The following SORCS3 variants were observed in gnomAD, a reference collection of about 807,000 sequenced individuals.
SORCS3 encodes the protein VPS10 domain-containing receptor SorCS3.
SORCS3 carries 57 observed loss-of-function variants against 146.3 expected under a neutral mutation model. The observed-to-expected ratio is 0.39, with a 90% CI of 0.31 to 0.49. SORCS3 has a LOEUF of 0.49. SORCS3 is among the 20% of genes least tolerant of loss of function. The pLI, the probability that SORCS3 is intolerant of heterozygous loss-of-function variation, is 0.92. For synonymous variants in SORCS3, 653 were observed against 618.5 expected, an observed-to-expected ratio of 1.06 and a Z score of -0.83; for missense variants, 1,341 against 1,575.5, an observed-to-expected ratio of 0.85 and a Z score of 2.52.
At chr10:104,920,111 T>C (rs2019072372) in intron 3 of SORCS3, among the ~76,000 whole-genome samples, 1 of 152,258 alleles carries the variant, frequency 6.6e-6, no homozygotes, top group South Asian at 2.1e-4. Context: ...CCAAATTATC[T>C]GTAGCAACCC....
chr10:105,210,713 G>A (rs1252583531), intron 16 of SORCS3, among the ~76,000 whole-genome samples: 1 of 152,194 alleles, frequency 6.6e-6, no homozygotes, highest in African/African-American at 2.4e-5. Context: ...ATGACTCTAT[G>A]TGTCCATGTG....
chr10:105,208,225 C>T (rs1456045209), intron 16 of SORCS3, among the ~76,000 whole-genome samples: 2 of 151,992 alleles, frequency 1.3e-5, no homozygotes, highest in African/African-American at 4.8e-5. Context: ...CCTGTAATCC[C>T]AGGTACTCTG....
chr10:104,796,462 A>G (rs1458347019), intron 1 of SORCS3, among the ~76,000 whole-genome samples: 1 of 152,094 alleles, frequency 6.6e-6, no homozygotes, highest in Non-Finnish European at 1.5e-5. Flanking sequence ...CCAGAAAGAA[A>G]AGAGCAGACT....
intron 4 of SORCS3, among the ~76,000 whole-genome samples, chr10:105,009,954 C>T (rs893792874): frequency 6.6e-5 from 10 of 152,096 alleles, no homozygotes; most frequent in African/African-American, 2.2e-4. Context: ...GAAATATTCC[C>T]TCTTTATACA....
At chr10:104,760,115 G>A (rs935917519) in intron 1 of SORCS3, among the ~76,000 whole-genome samples, 2 of 152,168 alleles carry the variant, frequency 1.3e-5, no homozygotes, top group Admixed American at 1.3e-4. Context: ...CCAGAGGAGG[G>A]ACCTGTCCTG....
At chr10:104,887,092 G>A (rs1480537002) in intron 2 of SORCS3, among the ~76,000 whole-genome samples, 1 of 152,184 alleles carries the variant, frequency 6.6e-6, no homozygotes, top group Non-Finnish European at 1.5e-5. Context: ...ATGGATTTAT[G>A]ATTTAGTTGG....
intron 4 of SORCS3, among the ~76,000 whole-genome samples, chr10:104,998,829 G>A (rs2055042122): frequency 6.6e-6 from 1 of 152,104 alleles, no homozygotes; most frequent in African/African-American, 2.4e-5. Context: ...TCTGTGACTG[G>A]CTTATCTTTA....
chr10:104,838,716 G>T (rs2171908), intron 1 of SORCS3, among the ~76,000 whole-genome samples: 14,835 of 152,236 alleles, frequency 0.097, 919 homozygotes, highest in South Asian at 0.24. Flanking sequence ...CCGTGGTGGG[G>T]TGGGTAGTGT....
intron 1 of SORCS3, among the ~76,000 whole-genome samples, chr10:104,683,469 A>G (rs764004955): frequency 9.2e-5 from 14 of 152,214 alleles, no homozygotes; most frequent in Non-Finnish European, 1.8e-4. Context: ...GTGAGTCAGT[A>G]TATCTTCCAG....
intron 4 of SORCS3, among the ~76,000 whole-genome samples, chr10:104,994,076 A>G (rs962419022): frequency 4.3e-4 from 66 of 152,202 alleles, no homozygotes; most frequent in African/African-American, 1.5e-3. Flanking sequence ...CCTACTGTCT[A>G]TTACCCAGAT....
At chr10:104,821,784 C>A (rs1446753918) in intron 1 of SORCS3, among the ~76,000 whole-genome samples, 2 of 152,122 alleles carry the variant, frequency 1.3e-5, no homozygotes, top group African/African-American at 4.8e-5. Context: ...CAATAAGTAC[C>A]CTTGTTAGCA....
At chr10:104,989,771 G>A (rs936682221) in intron 4 of SORCS3, among the ~76,000 whole-genome samples, 6 of 152,206 alleles carry the variant, frequency 3.9e-5, no homozygotes, top group African/African-American at 1.4e-4. Context: ...TTTTCCAGTG[G>A]AAGAGGAGGC....
intron 1 of SORCS3, chr10:104,822,145 A>C (rs753131053): frequency 5.8e-6 from 3 of 515,752 alleles, no homozygotes; most frequent in Non-Finnish European, 1.2e-5. Context: ...ATCTGTCCTC[A>C]GTTTCTGTAT....
intron 1 of SORCS3, among the ~76,000 whole-genome samples, chr10:104,783,328 G>A (rs2017396144): frequency 6.6e-6 from 1 of 152,182 alleles, no homozygotes; most frequent in Admixed American, 6.5e-5. Context: ...AGGAGAAATT[G>A]TCTGATCACG....
chr10:104,989,492 A>G (rs1432258891), intron 4 of SORCS3, among the ~76,000 whole-genome samples: 1 of 152,224 alleles, frequency 6.6e-6, no homozygotes, highest in Non-Finnish European at 1.5e-5. Flanking sequence ...GAATATAAGG[A>G]GAAAATAACA....
At chr10:105,240,958 A>C (rs11818180) in intron 20 of SORCS3, among the ~76,000 whole-genome samples, 14,308 of 149,156 alleles carry the variant, frequency 0.096, 1,683 homozygotes, top group African/African-American at 0.28. Flanking sequence ...ATATATATAT[A>C]TATATCTATA....
At position 105,070,849 on chromosome 10, in the gene SORCS3, T is replaced by G. The variant is rs574373922; in HGVS notation, c.1029-18926T>G. ...TGAAGCAGAATTCATTCTCAGCAAG[T>G]GAACAAATTGAAACTTCCTTCCCAG... is the stretch of plus-strand genomic sequence containing the variant. On this transcript the variant is annotated intron_variant, in intron 5 of 26. Coordinates refer to ENST00000369701, the MANE Select transcript of SORCS3 (RefSeq NM_014978.3). 3.3e-5 allele frequency among the ~76,000 whole-genome samples: 5 copies of G among 152,330 alleles called. No individual in the cohort carries two copies. The East Asian group carries it at 9.6e-4, about 29-fold the overall frequency.
chr10:104,886,089 A>C (rs1460273177), intron 2 of SORCS3, among the ~76,000 whole-genome samples: 1 of 152,184 alleles, frequency 6.6e-6, no homozygotes, highest in African/African-American at 2.4e-5. Context: ...TAGCAGCTGC[A>C]GGAGGATTAG....
intron 4 of SORCS3, among the ~76,000 whole-genome samples, chr10:105,010,700 T>G (rs888321582): frequency 6.6e-6 from 1 of 150,506 alleles, no homozygotes; most frequent in African/African-American, 2.4e-5. Flanking sequence ...TGAAAAATCT[T>G]TCCATTGGAA....
Sources: gnomAD v4.1 joint callset for allele counts (sites outside exome capture counted in the v4.1 genomes callset) on GRCh38, gnomAD v4.1.1 for gene constraint, MANE v1.5 for transcripts, NCBI Gene and HGNC (gene_info 2026-07-23, HGNC 2026-07-21) for gene names.